The following PIKFYVE variants were observed in gnomAD, a reference collection of about 807,000 sequenced individuals.
PIKFYVE encodes the protein 1-phosphatidylinositol 3-phosphate 5-kinase.
In PIKFYVE, 122 loss-of-function variants were observed where a neutral mutation model predicts 257.9. The ratio of observed to expected loss-of-function variants is 0.47; its 90% CI spans 0.41 to 0.55. The LOEUF (loss-of-function observed/expected upper bound fraction) is 0.55, where lower values mean the gene tolerates loss of function less well. PIKFYVE is among the 20% of genes least tolerant of loss of function. The pLI is 0.00. For synonymous variants in PIKFYVE, 892 were observed against 868.9 expected (o/e 1.03, Z -0.47); for missense variants, 2,160 against 2,536.6 (o/e 0.85, Z 3.19).
rs188993198 is a variant in PIKFYVE at position 208,294,950 on chromosome 2, C to G, written c.912-3691C>G. ...ACGTGGTAGATCTGGAAGTGAAACTCCCAAAAGCATCCCCACTACCCCCAT... is the reference window on the plus strand; with the variant it reads ...ACGTGGTAGATCTGGAAGTGAAACTGCCAAAAGCATCCCCACTACCCCCAT... On this transcript the variant is annotated intron_variant, in intron 7 of 41. Transcript: ENST00000264380. Among the ~76,000 whole-genome samples the G allele has an allele frequency of 2.2e-3, 337 of 152,260 alleles. 8 individuals are homozygous for G. The highest frequency in any genetic ancestry group is 6.8e-4 in the Non-Finnish European group (46 of 68,010).
chr2:208,347,827 CTTAAAA>C (rs1306160718), intron 34 of PIKFYVE, 26 bp from the exon 35 acceptor site: 2 of 1,571,958 alleles, frequency 1.3e-6, no homozygotes, highest in Non-Finnish European at 8.7e-7. Flanking sequence ...GTGACCTGTA[CTTAAAA>C]TTAATATGTT....
chr2:208,270,862 C>T (rs1689330583), intron 1 of PIKFYVE, among the ~76,000 whole-genome samples: 1 of 151,848 alleles, frequency 6.6e-6, no homozygotes, highest in African/African-American at 2.4e-5. Flanking sequence ...GGTGAAACCC[C>T]ATCTCTACTG....
chr2:208,296,387 A>ATT (rs992559649), intron 7 of PIKFYVE, among the ~76,000 whole-genome samples: 98 of 152,344 alleles, frequency 6.4e-4, no homozygotes, highest in Non-Finnish European at 1.2e-3. Context: ...CAACAGAAAG[A>ATT]CATCAAAGGT....
intron 9 of PIKFYVE, among the ~76,000 whole-genome samples, chr2:208,301,335 G>C (rs1269434059): frequency 2.0e-5 from 3 of 152,132 alleles, no homozygotes; most frequent in African/African-American, 7.2e-5. Flanking sequence ...AAAAGCAGAA[G>C]AACTCTCTAG....
intron 10 of PIKFYVE, chr2:208,302,576 A>ATAAAAAAGGAAAAAGATAATC (rs1693826953): frequency 1.9e-6 from 1 of 514,124 alleles, no homozygotes; most frequent in East Asian, 3.7e-5. Flanking sequence ...TGATCAGACA[A>ATAAAAAAGGAAAAAGATAATC]TAAAAAAGGA....
chr2:208,279,009 T>A (rs1007540371), intron 5 of PIKFYVE, among the ~76,000 whole-genome samples: 1 of 152,204 alleles, frequency 6.6e-6, no homozygotes, highest in Non-Finnish European at 1.5e-5. Context: ...GCTGAACTAA[T>A]TTACATTCCC....
intron 24 of PIKFYVE, among the ~76,000 whole-genome samples, chr2:208,333,699 A>G (rs1697810675): frequency 6.6e-6 from 1 of 152,208 alleles, no homozygotes; most frequent in Non-Finnish European, 1.5e-5. Context: ...TATTATCCTC[A>G]CTTACAGAGC....
rs573697107 is a variant in PIKFYVE, at chr2:208,331,439, G to C, written c.3963+745G>C. ...ATCGCCCGGTCTGGAGTGCAGTCGT[G>C]TGATCTCTGCTCACTGCAACCTCTG... On this transcript the variant is annotated intron_variant, in intron 23 of 41. Transcript: ENST00000264380. Among the ~76,000 whole-genome samples, 7 of 152,216 alleles carry C rather than the reference G, an allele frequency of 4.6e-5. No individual in the cohort carries two copies. The South Asian group carries it at 1.5e-3, about 32-fold the overall frequency.
At chr2:208,285,188 C>T (rs1016708539) in intron 5 of PIKFYVE, among the ~76,000 whole-genome samples, 6 of 152,138 alleles carry the variant, frequency 3.9e-5, no homozygotes, top group Admixed American at 6.6e-5. Flanking sequence ...CTCCGCCTCC[C>T]GGGTTCAAGC....
rs1422972671 is a variant in PIKFYVE at position 208,357,219 on chromosome 2, C to G, written c.*1914C>G. 6.6e-6 allele frequency: 1 copy of G among 152,188 alleles called. No homozygotes were observed. Among genetic ancestry groups the G allele is most frequent in the Non-Finnish European group, 1.5e-5 (1 of 68,020 alleles). 9.4% of individuals were successfully genotyped at this position (152,188 alleles called of 1,614,324 possible). Reference sequence around the variant, plus strand: ...GGAACATTATTAACTTACTTTGTGTCTAGGAACAATGGATTTTGTATCTGA... The same window carrying G: ...GGAACATTATTAACTTACTTTGTGTGTAGGAACAATGGATTTTGTATCTGA... On this transcript the variant is annotated 3_prime_UTR_variant, in exon 42 of 42. Coordinates refer to ENST00000264380, the MANE Select transcript of PIKFYVE (RefSeq NM_015040.4).
At chr2:208,298,808 C>G (rs767116290) in intron 8 of PIKFYVE, 29 bp downstream of exon 8, 6 of 1,612,856 alleles carry the variant, frequency 3.7e-6, no homozygotes, top group Non-Finnish European at 5.1e-6. Context: ...TGACCCATTG[C>G]TAGTTTTGAG....
chr2:208,279,589 T>C lies in PIKFYVE; in HGVS notation c.613+1881T>C, dbSNP rs142034810. The stretch of plus-strand genomic sequence containing the variant: ...ATTAATTTTCGTATATGATGAAACA[T>C]AGGGGCCAGTTTTATTCTTTTGCAT... On this transcript the variant is annotated intron_variant, in intron 5 of 41. Coordinates refer to ENST00000264380, the MANE Select transcript of PIKFYVE (RefSeq NM_015040.4). Among the ~76,000 whole-genome samples the C allele has an allele frequency of 3.5e-4, 53 of 152,316 alleles. No homozygotes were observed. In the East Asian group the frequency reaches 8.9e-3, roughly 25 times the overall value.
At chr2:208,278,591 T>C (rs561839941) in intron 5 of PIKFYVE, among the ~76,000 whole-genome samples, 31 of 152,196 alleles carry the variant, frequency 2.0e-4, no homozygotes, top group African/African-American at 7.0e-4. Context: ...CCCTTGTCTA[T>C]TGTTGCCATC....
Position 208,345,149 on chromosome 2 carries a change from A to T in PIKFYVE, c.5066A>T (p.Lys1689Ile). ...CGAAATGCCTTAGAGGAATTGTCTA[A>T]AGCGACTCAGTGGAACAGTGCCGAA... ...EYRNALEELS[K>I]ATQWNSAEEG... Residue 1689 changes from lysine to isoleucine, a missense_variant, in exon 33 of 42, where the codon AAA becomes ATA. This residue lies in a region of PIKFYVE where 699 missense variants were observed against 855.8 expected (regional missense o/e 0.82). Transcript: ENST00000264380. The T allele has an allele frequency of 1.2e-6, 2 of 1,613,086 alleles. No homozygotes were observed. The highest frequency in any genetic ancestry group is 1.7e-6 in the Non-Finnish European group (2 of 1,179,158).
chr2:208,347,466 CATTT>C (rs1699335259), intron 34 of PIKFYVE, among the ~76,000 whole-genome samples: 1 of 152,050 alleles, frequency 6.6e-6, no homozygotes, highest in African/African-American at 2.4e-5. Context: ...GTTTTGTGTT[CATTT>C]AGTTAACTAT....
chr2:208,314,514 G>A, intron 14 of PIKFYVE, 91 bp downstream of exon 14: 1 of 1,389,390 alleles, frequency 7.2e-7, no homozygotes, highest in Admixed American at 2.2e-5. Flanking sequence ...TAAAAAGGGA[G>A]GTCTTTTTCT....
chr2:208,353,784 G>A, intron 39 of PIKFYVE, 114 bp from the exon 40 acceptor site: 2 of 1,210,314 alleles, frequency 1.7e-6, no homozygotes, highest in Admixed American at 2.0e-5. Flanking sequence ...AAACTTTGGA[G>A]TGTGTGTAAT....
intron 2 of PIKFYVE, among the ~76,000 whole-genome samples, chr2:208,272,795 A>T (rs1212475308): frequency 7.8e-6 from 1 of 128,468 alleles, no homozygotes; most frequent in African/African-American, 4.1e-5. Flanking sequence ...AATGATACTT[A>T]AAAAAAAAAA....
chr2:208,325,705 C>G lies in PIKFYVE; in HGVS notation c.2894C>G (p.Ala965Gly), dbSNP rs778992683. The change falls in exon 20 of 42, where the codon GCG becomes GGG. Residue 965 changes from alanine (A) to glycine (G), a missense_variant. Transcript: ENST00000264380. ...HQEHSTTACP[A>G]GLPCAFFAPV... ...GAACATAGCACAACAGCTTGCCCGG[C>G]GGGTCTCCCTTGTGCTTTCTTTGCA... 3.1e-6 allele frequency: 5 copies of G among 1,613,490 alleles called. No homozygotes were observed. In the African/African-American group the frequency reaches 5.3e-5, roughly 17 times the overall value.
Sources: allele counts gnomAD v4.1 joint callset (sites outside exome capture counted in the v4.1 genomes callset), GRCh38; gene constraint gnomAD v4.1.1; regional missense constraint gnomAD v4.1.1; transcripts MANE v1.5; gene names NCBI Gene and HGNC (gene_info 2026-07-23, HGNC 2026-07-21).